FBXL17: variants seen among roughly 807,000 people sequenced by gnomAD.
FBXL17 encodes the protein F-box and leucine rich repeat protein 17.
Under a neutral mutation model 66.2 loss-of-function variants are expected in FBXL17, and 22 were observed. The observed-to-expected ratio is 0.33, with a 90% CI of 0.24 to 0.47. The LOEUF is 0.47. FBXL17 is among the 20% of genes least tolerant of loss of function. The pLI is 1.00. For missense variants in FBXL17, 878 were observed against 948.2 expected (o/e 0.93, Z 0.97); for synonymous variants, 474 against 400.5 (o/e 1.18, Z -2.19).
intron 6 of FBXL17, among the ~76,000 whole-genome samples, chr5:108,045,530 T>G (rs955595066): frequency 1.2e-4 from 19 of 152,298 alleles, no homozygotes; most frequent in Admixed American, 7.2e-4. Flanking sequence ...AGCGTCTTGA[T>G]ATAGAAGCTT....
At chr5:108,010,230 C>A (rs1754123736) in intron 7 of FBXL17, among the ~76,000 whole-genome samples, 2 of 152,224 alleles carry the variant, frequency 1.3e-5, no homozygotes, top group Middle Eastern at 3.4e-3. Flanking sequence ...TGGCTGGGTC[C>A]AAGAGGTCCA....
rs565816278 is a variant in FBXL17, at chr5:108,001,628, G to A, written c.1822+19297C>T. Among the ~76,000 whole-genome samples, 15 of 152,052 alleles carry A rather than the reference G, an allele frequency of 9.9e-5. No homozygotes were observed. The East Asian group carries it at 2.9e-3, about 30-fold the overall frequency. On this transcript the variant is annotated intron_variant, in intron 7 of 8. Coordinates refer to ENST00000542267, the MANE Select transcript of FBXL17 (RefSeq NM_001163315.3). ...CCATTCTCCTGCCTCAGCCTCCCAA[G>A]TAGCTGGGACTACAGGCGCCTGCCA...
intron 7 of FBXL17, among the ~76,000 whole-genome samples, chr5:107,884,797 T>A (rs1748910167): frequency 6.6e-6 from 1 of 152,160 alleles, no homozygotes; most frequent in South Asian, 2.1e-4. Context: ...GTCTACTTCA[T>A]GAGATTGGTC....
At chr5:108,223,625 G>C (rs1376598812) in intron 5 of FBXL17, among the ~76,000 whole-genome samples, 1 of 152,132 alleles carries the variant, frequency 6.6e-6, no homozygotes, top group Non-Finnish European at 1.5e-5. Flanking sequence ...CTGGCAGTTT[G>C]ATCATTTCTA....
chr5:107,935,474 G>T (rs922652504), intron 7 of FBXL17, among the ~76,000 whole-genome samples: 1 of 151,216 alleles, frequency 6.6e-6, no homozygotes, highest in Non-Finnish European at 1.5e-5. Context: ...TGTGTTTAAC[G>T]TCTTTTAAAA....
At chr5:108,179,787 A>C (rs1752931531) in intron 6 of FBXL17, among the ~76,000 whole-genome samples, 1 of 152,346 alleles carries the variant, frequency 6.6e-6, no homozygotes, top group African/African-American at 2.4e-5. Context: ...TGAAATAGTA[A>C]ATAACTAATT....
chr5:107,893,949 C>T (rs932449644), intron 7 of FBXL17, among the ~76,000 whole-genome samples: 7 of 152,052 alleles, frequency 4.6e-5, no homozygotes, highest in African/African-American at 1.7e-4. Context: ...TTCTTTCCAA[C>T]GAGGAAGGAA....
intron 7 of FBXL17, among the ~76,000 whole-genome samples, chr5:107,894,533 C>A (rs1053345001): frequency 2.0e-5 from 3 of 152,114 alleles, no homozygotes; most frequent in Admixed American, 6.6e-5. Flanking sequence ...AGATTCCCTG[C>A]CTTCTTCAGG....
chr5:108,128,220 T>C (rs539895763), intron 6 of FBXL17, among the ~76,000 whole-genome samples: 1 of 150,334 alleles, frequency 6.7e-6, no homozygotes, highest in Non-Finnish European at 1.5e-5. Flanking sequence ...CATTCCAGCC[T>C]GGGCAACAGA....
chr5:108,078,326 T>C (rs1175553670), intron 6 of FBXL17, among the ~76,000 whole-genome samples: 1 of 152,220 alleles, frequency 6.6e-6, no homozygotes, highest in Non-Finnish European at 1.5e-5. Flanking sequence ...TAACAACCTC[T>C]AACCCAAATC....
intron 6 of FBXL17, among the ~76,000 whole-genome samples, chr5:108,167,502 C>G (rs1752456204): frequency 6.6e-6 from 1 of 152,092 alleles, no homozygotes. Context: ...GGAACAAAAA[C>G]AAAAACATAA....
intron 4 of FBXL17, among the ~76,000 whole-genome samples, chr5:108,324,653 ACTTATAATAGC>A (rs1269178509): frequency 6.6e-6 from 1 of 152,150 alleles, no homozygotes; most frequent in Non-Finnish European, 1.5e-5. Context: ...TCATAGCGTT[ACTTATAATAGC>A]CAAGAAGTGG....
chr5:108,199,341 C>A (rs1002777436), intron 5 of FBXL17, among the ~76,000 whole-genome samples: 1 of 152,158 alleles, frequency 6.6e-6, no homozygotes, highest in Non-Finnish European at 1.5e-5. Context: ...AACTAGTTCA[C>A]AACAGTTAAC....
At chr5:107,986,337 T>C (rs1471781170) in intron 7 of FBXL17, among the ~76,000 whole-genome samples, 1 of 151,872 alleles carries the variant, frequency 6.6e-6, no homozygotes, top group East Asian at 1.9e-4. Context: ...TCACAAATGA[T>C]GCTAACCCTA....
At chr5:108,230,944 T>A (rs1265154911) in intron 4 of FBXL17, among the ~76,000 whole-genome samples, 2 of 118,452 alleles carry the variant, frequency 1.7e-5, no homozygotes, top group Admixed American at 1.6e-4. Context: ...GTTATGGAAA[T>A]TTTTTTTAAA....
At chr5:108,315,358 A>G (rs755201098) in intron 4 of FBXL17, among the ~76,000 whole-genome samples, 11 of 151,384 alleles carry the variant, frequency 7.3e-5, no homozygotes, top group Non-Finnish European at 1.5e-4. Context: ...TTATAATTTA[A>G]TATTTTGTGC....
intron 4 of FBXL17, chr5:108,299,954 A>G (rs544008068): frequency 2.7e-6 from 1 of 365,274 alleles, no homozygotes; most frequent in Admixed American, 6.5e-5. Flanking sequence ...TAAATGCTTC[A>G]GAAAATTAAT....
intron 4 of FBXL17, among the ~76,000 whole-genome samples, chr5:108,322,621 C>A (rs533805761): frequency 4.4e-4 from 67 of 151,976 alleles, no homozygotes; most frequent in African/African-American, 1.6e-3. Flanking sequence ...AAAATAATTA[C>A]ATTTTTGAAC....
chr5:108,299,611 A>AATACCT, intron 4 of FBXL17: 1 of 973,776 alleles, frequency 1.0e-6, no homozygotes, highest in Non-Finnish European at 1.2e-6. Flanking sequence ...TGCTATAATG[A>AATACCT]ATACCTATAC....
Sources: gnomAD v4.1 joint callset for allele counts (sites outside exome capture counted in the v4.1 genomes callset) on GRCh38, gnomAD v4.1.1 for gene constraint, MANE v1.5 for transcripts, NCBI Gene and HGNC (gene_info 2026-07-23, HGNC 2026-07-21) for gene names.